Variants in EAPP observed in about 807,000 individuals in gnomAD.
EAPP encodes the protein E2F associated phosphoprotein, also known as E2F-associated phosphoprotein.
EAPP carries 38 observed loss-of-function variants against 34.3 expected under a neutral mutation model. The ratio of observed to expected loss-of-function variants is 1.11; its 90% CI spans 0.85 to 1.45. The LOEUF (loss-of-function observed/expected upper bound fraction) is 1.45, where lower values mean the gene tolerates loss of function less well. EAPP is among the 40% of genes most tolerant of loss of function. The pLI is 0.00. For synonymous variants in EAPP, 113 were observed against 117.6 expected, an observed-to-expected ratio of 0.96 and a Z score of 0.25; for missense variants, 338 against 343.7, an observed-to-expected ratio of 0.98 and a Z score of 0.13.
In EAPP at chr14:34,536,191, A is replaced by G. The variant is rs763086927; in HGVS notation, c.159T>C (p.Ser53=). Reference sequence around the variant, plus strand: ...CAAATTCATCTTCACTAGATGATTCACTTTCTCCGGTAAGACATTCTCTGA... The same window carrying G: ...CAAATTCATCTTCACTAGATGATTCGCTTTCTCCGGTAAGACATTCTCTGA... ...KLIRECLTGE[S]ESSSEDEFEK... Residue 53 remains serine (S), a synonymous_variant, in exon 2 of 6, where the codon AGT becomes AGC. Transcript: ENST00000250454. 1 of 1,612,826 alleles carries G rather than the reference A, an allele frequency of 6.2e-7. No homozygotes were observed.
chr14:34,518,398 G>C (rs1042903587), intron 5 of EAPP, among the ~76,000 whole-genome samples: 10 of 125,114 alleles, frequency 8.0e-5, no homozygotes, highest in Non-Finnish European at 1.4e-4. Flanking sequence ...GCAATAGCAC[G>C]ATCTTGGCTC....
intron 5 of EAPP, among the ~76,000 whole-genome samples, chr14:34,523,803 C>G (rs1436058299): frequency 2.6e-5 from 4 of 152,024 alleles, no homozygotes; most frequent in Admixed American, 2.6e-4. Flanking sequence ...CCTCCCATAG[C>G]ACTGGGATTA....
intron 4 of EAPP, among the ~76,000 whole-genome samples, chr14:34,525,565 C>A (rs1880067021): frequency 6.6e-6 from 1 of 152,042 alleles, no homozygotes; most frequent in Admixed American, 6.6e-5. Flanking sequence ...ATTAAGGGCA[C>A]TGAAAACAAG....
rs116073505 is a variant in EAPP at position 34,531,692 on chromosome 14, C to T, written c.352+1752G>A. On this transcript the variant is annotated intron_variant, in intron 3 of 5. Coordinates refer to ENST00000250454, the MANE Select transcript of EAPP (RefSeq NM_018453.4). ...AAAAGTATAATATTGTTCTTTACCA[C>T]AGAAATTTGCTATTTGAATATTTCA... 1.4e-3 allele frequency among the ~76,000 whole-genome samples: 206 copies of T among 152,282 alleles called. 1 individual carries two copies. Among genetic ancestry groups the T allele is most frequent in the African/African-American group, 4.6e-3 (191 of 41,562 alleles).
At chr14:34,527,970 C>T (rs1376747351) in intron 4 of EAPP, among the ~76,000 whole-genome samples, 1 of 150,942 alleles carries the variant, frequency 6.6e-6, no homozygotes, top group Non-Finnish European at 1.5e-5. Context: ...AATTTTATCT[C>T]AAAAAAAATT....
intron 1 of EAPP, among the ~76,000 whole-genome samples, chr14:34,537,173 C>G (rs1880507421): frequency 6.6e-6 from 1 of 152,024 alleles, no homozygotes; most frequent in Non-Finnish European, 1.5e-5. Context: ...ACCATACCAG[C>G]TAATTTTTTG....
rs1214937493 is a variant in EAPP, at chr14:34,516,128, A to AG, written c.*181dup. 6 of 536,404 alleles carry AG rather than the reference A, an allele frequency of 1.1e-5. No individual in the cohort carries two copies. In the East Asian group the frequency reaches 1.5e-4, roughly 14 times the overall value. The allele number at this position is 536,404 out of a possible 1,614,324, so 33.2% of individuals were successfully genotyped here. On this transcript the variant is annotated 3_prime_UTR_variant, in exon 6 of 6. Coordinates refer to ENST00000250454, the MANE Select transcript of EAPP (RefSeq NM_018453.4). ...TCCCATCAATAAGGGGGAAAATCAA[A>AG]GAAAAAAAAAAGGAGAGGGTGAGAG...
At chr14:34,537,283 T>C (rs1351735131) in intron 1 of EAPP, among the ~76,000 whole-genome samples, 3 of 152,220 alleles carry the variant, frequency 2.0e-5, no homozygotes, top group African/African-American at 7.2e-5. Flanking sequence ...AGTGCTGGGA[T>C]TACAGATGTG....
At chr14:34,527,445 C>T (rs1208846330) in intron 4 of EAPP, among the ~76,000 whole-genome samples, 1 of 152,038 alleles carries the variant, frequency 6.6e-6, no homozygotes, top group Admixed American at 6.6e-5. Flanking sequence ...AGGAGGAGTG[C>T]TTGAGCCCAG....
At chr14:34,522,123 A>C (rs1879938663) in intron 5 of EAPP, among the ~76,000 whole-genome samples, 1 of 151,832 alleles carries the variant, frequency 6.6e-6, no homozygotes, top group Admixed American at 6.6e-5. Flanking sequence ...GACACCAACT[A>C]AGTTTTTTTC....
rs773680766 is a variant in EAPP, at chr14:34,529,421, TC to T, written c.406del (p.Glu136AsnfsTer44). Reference protein sequence around the residue: ...KKQHKIPTNDELLYDPEKDNR... With the variant: ...KKQHKIPTNDXLLYDPEKDNR... ...ATCTTTTTCAGGATCATACAGTAAT[TC>T]GTCATTTGTTGGAATCTTGTGTTGT... is the stretch of plus-strand genomic sequence containing the variant. On this transcript the variant is annotated frameshift_variant, in exon 4 of 6. Coordinates refer to ENST00000250454, the MANE Select transcript of EAPP (RefSeq NM_018453.4). LOFTEE classifies it high-confidence loss of function. The T allele has an allele frequency of 6.2e-7, 1 of 1,613,574 alleles. No individual in the cohort carries two copies. The highest frequency in any genetic ancestry group is 2.2e-5 in the East Asian group (1 of 44,856).
chr14:34,519,885 CTT>C (rs763536134), intron 5 of EAPP, among the ~76,000 whole-genome samples: 16 of 133,608 alleles, frequency 1.2e-4, no homozygotes, highest in Admixed American at 2.3e-4. Context: ...TCTTTCTTTT[CTT>C]TTTTTTTTTT....
intron 3 of EAPP, among the ~76,000 whole-genome samples, chr14:34,530,871 A>G (rs1435771132): frequency 6.9e-6 from 1 of 145,640 alleles, no homozygotes; most frequent in Non-Finnish European, 1.5e-5. Context: ...ATTTGACACC[A>G]GCCTAAGCAA....
intron 4 of EAPP, among the ~76,000 whole-genome samples, chr14:34,526,698 G>C (rs1359503590): frequency 6.6e-6 from 1 of 151,656 alleles, no homozygotes; most frequent in Non-Finnish European, 1.5e-5. Flanking sequence ...GATCAGCCTG[G>C]GCAACATAGC....
chr14:34,530,688 TCAAAA>T (rs1212004586), intron 3 of EAPP, among the ~76,000 whole-genome samples: 1 of 151,382 alleles, frequency 6.6e-6, no homozygotes, highest in Non-Finnish European at 1.5e-5. Flanking sequence ...AAAGAGCCAC[TCAAAA>T]CAAGCCAAGA....
intron 4 of EAPP, among the ~76,000 whole-genome samples, chr14:34,526,127 T>C (rs1426772723): frequency 2.0e-5 from 3 of 151,462 alleles, no homozygotes; most frequent in African/African-American, 7.3e-5. Context: ...ACAGTAAAGC[T>C]ACATTAAAAA....
chr14:34,534,300 T>G (rs906832853), intron 2 of EAPP, among the ~76,000 whole-genome samples: 9 of 152,056 alleles, frequency 5.9e-5, no homozygotes, highest in Non-Finnish European at 1.2e-4. Flanking sequence ...TCCCAGCTAA[T>G]TTTTTGTGTT....
At chr14:34,536,298 A>C in intron 1 of EAPP, 23 bp from the exon 2 acceptor site, 1 of 1,543,800 alleles carries the variant, frequency 6.5e-7, no homozygotes, top group Middle Eastern at 1.7e-4. Context: ...TAAATCAAAA[A>C]GAATATGAAT....
In EAPP at chr14:34,538,504, A is replaced by G. The variant is rs889133025; in HGVS notation, c.74+1051T>C. On this transcript the variant is annotated intron_variant, in intron 1 of 5. Transcript: ENST00000250454. ...CCTGGTATCTATCCTCACTCCCAAC[A>G]AAAGAAATCTTAACAGCAGTCTGAT... 2.6e-5 allele frequency among the ~76,000 whole-genome samples: 4 copies of G among 152,286 alleles called. No homozygotes were observed. In the South Asian group the frequency reaches 8.3e-4, roughly 32 times the overall value.
Sources: gnomAD v4.1 joint callset for allele counts (sites outside exome capture counted in the v4.1 genomes callset) on GRCh38, gnomAD v4.1.1 for gene constraint, MANE v1.5 for transcripts, NCBI Gene and HGNC (gene_info 2026-07-23, HGNC 2026-07-21) for gene names.